Variants in CYP2B6 observed in about 807,000 individuals in gnomAD.
The protein encoded by CYP2B6 is cytochrome P450 2B6.
In CYP2B6, 35 loss-of-function variants were observed where a neutral mutation model predicts 43.4. That is an observed-to-expected ratio of 0.81 (90% CI 0.62 to 1.07). CYP2B6 has a LOEUF of 1.07. Among genes scored for constraint, CYP2B6 ranks in the 50% least tolerant of loss-of-function variants. The pLI is 0.00. For synonymous variants in CYP2B6, 239 were observed against 239.2 expected, an observed-to-expected ratio of 1.00 and a Z score of 0.01; for missense variants, 624 against 632.8, an observed-to-expected ratio of 0.99 and a Z score of 0.15.
At chr19:41,007,708 T>C (rs7257042) in intron 4 of CYP2B6, 104,817 of 151,788 alleles carry the variant, frequency 0.69, 36,871 homozygotes, top group Middle Eastern at 0.82. Context: ...TCACTGCAAC[T>C]TCCACCTCCC....
rs1326951848 is a variant in CYP2B6 at position 41,017,439 on chromosome 19, A to G, written c.*612A>G. ...ATTTAGTGGCGTGTGGTTCATTCAC[A>G]AAGCTGTACAACCACCACCATCTAG... On this transcript the variant is annotated 3_prime_UTR_variant, in exon 9 of 9. Coordinates refer to ENST00000324071, the MANE Select transcript of CYP2B6 (RefSeq NM_000767.5). The G allele has an allele frequency of 3.3e-5, 5 of 152,146 alleles. No individual in the cohort carries two copies. The highest frequency in any genetic ancestry group is 1.5e-5 in the Non-Finnish European group (1 of 68,042). 9.4% of individuals were successfully genotyped at this position (152,146 alleles called of 1,614,324 possible). A position where few individuals can be genotyped will look rare whatever the true frequency, so the allele number is the denominator to read the frequency against.
Position 41,013,026 on chromosome 19 carries a change from C to A in CYP2B6, c.1294+211C>A, listed in dbSNP as rs1969309389. 11 of 621,098 alleles carry A rather than the reference C, an allele frequency of 1.8e-5. No homozygotes were observed. In the East Asian group the frequency reaches 3.2e-4, roughly 18 times the overall value. 38.5% of individuals were successfully genotyped at this position (621,098 alleles called of 1,614,324 possible). ...AAAGGCACATCTTGGCAAGCAGGAC[C>A]TTGGGCAAGTATTTTAACATCTCTA... On this transcript the variant is annotated intron_variant, in intron 8 of 8. Coordinates refer to ENST00000324071, the MANE Select transcript of CYP2B6 (RefSeq NM_000767.5).
chr19:41,001,820 A>C (rs749958278), intron 1 of CYP2B6, among the ~76,000 whole-genome samples: 4 of 152,176 alleles, frequency 2.6e-5, no homozygotes, highest in Non-Finnish European at 4.4e-5. Context: ...ACAGATAAGC[A>C]AAAAATAAAC....
intron 1 of CYP2B6, among the ~76,000 whole-genome samples, chr19:41,001,303 C>G (rs1599844364): frequency 2.0e-5 from 3 of 152,228 alleles, no homozygotes; most frequent in East Asian, 1.9e-4. Context: ...AGGCTTCACA[C>G]ACTCCCTAAA....
At chr19:41,009,575 G>A in intron 5 of CYP2B6, 180 bp downstream of exon 5, 1 of 717,140 alleles carries the variant, frequency 1.4e-6, no homozygotes, top group East Asian at 2.7e-5. Context: ...TGAGGTGAAA[G>A]GAGGGAGAAA....
rs1259331960 is a variant in CYP2B6, at chr19:41,016,628, G to A, written c.1295-18G>A. On this transcript the variant is annotated intron_variant, in intron 8 of 8. Coordinates refer to ENST00000324071, the MANE Select transcript of CYP2B6 (RefSeq NM_000767.5). ...GCACCTGCCCTGTGCCCACACTGGT[G>A]ACCTTCTGTGTCCACAGGGAAGCGG... The A allele has an allele frequency of 6.2e-7, 1 of 1,613,826 alleles. No homozygotes were observed. Among genetic ancestry groups the A allele is most frequent in the Non-Finnish European group, 8.5e-7 (1 of 1,179,894 alleles).
At chr19:41,014,401 G>T (rs557382948) in intron 8 of CYP2B6, among the ~76,000 whole-genome samples, 30 of 152,074 alleles carry the variant, frequency 2.0e-4, no homozygotes, top group Non-Finnish European at 3.7e-4. Flanking sequence ...TGCCTCCCAG[G>T]TTCAAGTGAT....
Position 41,003,914 on chromosome 19 carries a change from C to T in CYP2B6, c.172-87C>T, listed in dbSNP as rs1353862740. 5 of 1,534,764 alleles carry T rather than the reference C, an allele frequency of 3.3e-6. No individual in the cohort carries two copies. In the South Asian group the frequency reaches 4.6e-5, roughly 14 times the overall value. On this transcript the variant is annotated intron_variant, in intron 1 of 8. Transcript: ENST00000324071. ...GCGGATGTTGGGGAGGGGCTAATTA[C>T]CAATCTGGTATGTAAGTATTTTGAT...
chr19:41,003,959 A>G (rs760991425), intron 1 of CYP2B6, 42 bp from the exon 2 acceptor site: 2 of 1,599,184 alleles, frequency 1.3e-6, no homozygotes, highest in Non-Finnish European at 1.7e-6. Flanking sequence ...AATGAGGTGT[A>G]TGCTGACTAA....
chr19:40,996,162 A>G (rs139874960), intron 1 of CYP2B6, among the ~76,000 whole-genome samples: 1,879 of 152,246 alleles, frequency 0.012, 38 homozygotes, highest in African/African-American at 0.042. Flanking sequence ...CACTGTCCAC[A>G]GAGAGAAGAC....
chr19:41,006,926 TC>T lies in CYP2B6; in HGVS notation c.508del (p.Leu170SerfsTer27). Reference protein sequence around the residue: ...KSKGALMDPTFLFQSITANII... With the variant: ...KSKGALMDPTXLFQSITANII... ...CTAGGGGCCCTCATGGACCCCACCT[TC>T]CTCTTCCAGTCCATTACCGCCAACA... On this transcript the variant is annotated frameshift_variant, in exon 4 of 9. Coordinates refer to ENST00000324071, the MANE Select transcript of CYP2B6 (RefSeq NM_000767.5). LOFTEE classifies it high-confidence loss of function. 1 of 1,613,872 alleles carries T rather than the reference TC, an allele frequency of 6.2e-7. No homozygotes were observed. Among genetic ancestry groups the T allele is most frequent in the South Asian group, 1.1e-5 (1 of 91,058 alleles).
At chr19:40,992,518 T>G (rs1968935399) in intron 1 of CYP2B6, among the ~76,000 whole-genome samples, 1 of 152,092 alleles carries the variant, frequency 6.6e-6, no homozygotes, top group Non-Finnish European at 1.5e-5. Context: ...TATGAGCATT[T>G]AAGACTCTTT....
intron 1 of CYP2B6, among the ~76,000 whole-genome samples, chr19:41,002,750 T>C (rs1398655375): frequency 6.6e-6 from 1 of 152,102 alleles, no homozygotes; most frequent in Non-Finnish European, 1.5e-5. Context: ...GTTTTCACCA[T>C]GTTGGTCAGG....
At chr19:41,012,086 A>G (rs1969293128) in intron 6 of CYP2B6, among the ~76,000 whole-genome samples, 1 of 152,072 alleles carries the variant, frequency 6.6e-6, no homozygotes, top group South Asian at 2.1e-4. Flanking sequence ...GTAGCTAGGA[A>G]TACAGGTGTG....
chr19:40,995,953 T>C (rs1044706475), intron 1 of CYP2B6, among the ~76,000 whole-genome samples: 22 of 152,156 alleles, frequency 1.4e-4, no homozygotes, highest in African/African-American at 5.3e-4. Context: ...TTTAAACATA[T>C]TAAGGTGGGA....
intron 8 of CYP2B6, among the ~76,000 whole-genome samples, chr19:41,015,753 C>G (rs1217695990): frequency 1.3e-5 from 2 of 151,544 alleles, no homozygotes; most frequent in South Asian, 2.1e-4. Flanking sequence ...AGAAGACAGC[C>G]TAGAGACACA....
At chr19:41,008,044 T>C (rs887978406) in intron 4 of CYP2B6, among the ~76,000 whole-genome samples, 3 of 150,344 alleles carry the variant, frequency 2.0e-5, no homozygotes, top group African/African-American at 7.5e-5. Context: ...CATTTCTCCT[T>C]CTCCCTCTGT....
At chr19:41,011,176 T>C (rs1969277991) in intron 6 of CYP2B6, among the ~76,000 whole-genome samples, 1 of 152,230 alleles carries the variant, frequency 6.6e-6, no homozygotes, top group Non-Finnish European at 1.5e-5. Flanking sequence ...TTCACTCTTA[T>C]CCTTCCATGA....
chr19:41,009,958 C>T, intron 5 of CYP2B6, 36 bp from the exon 6 acceptor site: 1 of 1,613,660 alleles, frequency 6.2e-7, no homozygotes, highest in African/African-American at 1.3e-5. Context: ...TACAGCCTCC[C>T]CTGACCCTCC....
Sources: allele counts gnomAD v4.1 joint callset (sites outside exome capture counted in the v4.1 genomes callset), GRCh38; gene constraint gnomAD v4.1.1; transcripts MANE v1.5; gene names NCBI Gene and HGNC (gene_info 2026-07-23, HGNC 2026-07-21).